DOCK1: variants seen among roughly 807,000 people sequenced by gnomAD.
DOCK1 encodes the protein dedicator of cytokinesis protein 1.
DOCK1 carries 138 observed loss-of-function variants against 262.7 expected under a neutral mutation model. The observed-to-expected ratio is 0.53, with a 90% CI of 0.46 to 0.61. DOCK1 has a LOEUF of 0.61. Among genes scored for constraint, DOCK1 ranks in the 20% least tolerant of loss-of-function variants. The pLI, the probability that DOCK1 is intolerant of heterozygous loss-of-function variation, is 0.00. For synonymous variants in DOCK1, 866 were observed against 867.4 expected (o/e 1.00, Z 0.03); for missense variants, 1,908 against 2,370.7 (o/e 0.80, Z 4.05).
chr10:127,416,207 G>A (rs1403721743), intron 44 of DOCK1, among the ~76,000 whole-genome samples: 2 of 152,206 alleles, frequency 1.3e-5, no homozygotes, highest in African/African-American at 4.8e-5. Flanking sequence ...CCCCTCCTGG[G>A]GTCACTTTCT....
chr10:127,338,960 C>T (rs1198439881), intron 29 of DOCK1, 46 bp from the exon 30 acceptor site: 1 of 1,495,524 alleles, frequency 6.7e-7, no homozygotes. Flanking sequence ...TACCGAAGTG[C>T]CAGAGCGTAA....
At chr10:127,020,238 A>G (rs1591686804) in intron 13 of DOCK1, among the ~76,000 whole-genome samples, 1 of 152,200 alleles carries the variant, frequency 6.6e-6, no homozygotes, top group East Asian at 1.9e-4. Context: ...TATACTTATT[A>G]TTTGTATTTG....
At chr10:127,022,433 G>A (rs1192655943) in intron 13 of DOCK1, among the ~76,000 whole-genome samples, 1 of 152,128 alleles carries the variant, frequency 6.6e-6, no homozygotes, top group East Asian at 1.9e-4. Context: ...GCACCCATTA[G>A]CTCGCTTTTG....
At chr10:127,340,621 T>A (rs539540022) in intron 30 of DOCK1, among the ~76,000 whole-genome samples, 1 of 152,322 alleles carries the variant, frequency 6.6e-6, no homozygotes, top group African/African-American at 2.4e-5. Flanking sequence ...CTAGGCCAAA[T>A]GATATGACAT....
chr10:126,968,156 C>G (rs2037818647), intron 1 of DOCK1, among the ~76,000 whole-genome samples: 1 of 152,164 alleles, frequency 6.6e-6, no homozygotes, highest in African/African-American at 2.4e-5. Flanking sequence ...ATCACCCTCG[C>G]AGTGCCCCTG....
intron 1 of DOCK1, among the ~76,000 whole-genome samples, chr10:126,918,384 A>G (rs2032764140): frequency 6.6e-6 from 1 of 152,250 alleles, no homozygotes; most frequent in African/African-American, 2.4e-5. Flanking sequence ...GCCTGTGCCC[A>G]GCTGGTGTGC....
intron 29 of DOCK1, among the ~76,000 whole-genome samples, chr10:127,266,789 G>A (rs956177667): frequency 6.6e-6 from 1 of 152,152 alleles, no homozygotes; most frequent in African/African-American, 2.4e-5. Flanking sequence ...TTTTACTACA[G>A]CTCATGCACT....
At chr10:127,050,476 G>T (rs1591812955) in intron 21 of DOCK1, among the ~76,000 whole-genome samples, 1 of 152,002 alleles carries the variant, frequency 6.6e-6, no homozygotes, top group East Asian at 1.9e-4. Context: ...ACTTGGGGAG[G>T]CTGAGGTGGG....
intron 2 of DOCK1, among the ~76,000 whole-genome samples, chr10:126,975,197 A>G (rs1466607740): frequency 6.6e-6 from 1 of 151,970 alleles, no homozygotes; most frequent in Non-Finnish European, 1.5e-5. Flanking sequence ...CCATGGCTCT[A>G]ACTGCATCGT....
chr10:127,214,419 T>C (rs1387821289), intron 27 of DOCK1, among the ~76,000 whole-genome samples: 1 of 152,244 alleles, frequency 6.6e-6, no homozygotes, highest in Non-Finnish European at 1.5e-5. Flanking sequence ...TTGCCGTTTA[T>C]AGAAGCAGAG....
intron 10 of DOCK1, among the ~76,000 whole-genome samples, chr10:127,003,160 G>A (rs1288349645): frequency 6.6e-6 from 1 of 151,896 alleles, no homozygotes; most frequent in Non-Finnish European, 1.5e-5. Context: ...GTGAAACTGC[G>A]TGAACCTGTG....
At chr10:127,329,642 T>G (rs1028351613) in intron 29 of DOCK1, among the ~76,000 whole-genome samples, 9 of 152,210 alleles carry the variant, frequency 5.9e-5, no homozygotes, top group Non-Finnish European at 7.4e-5. Context: ...CCCCCAGCAG[T>G]AGAGACTTCT....
At chr10:127,110,517 T>C (rs931861035) in intron 25 of DOCK1, among the ~76,000 whole-genome samples, 163 bp downstream of exon 25, 3 of 152,174 alleles carry the variant, frequency 2.0e-5, no homozygotes, top group African/African-American at 7.2e-5. Context: ...AGAAGGGTAA[T>C]TGACATGTAA....
chr10:127,030,969 G>A (rs2043198562), intron 16 of DOCK1, among the ~76,000 whole-genome samples: 1 of 152,214 alleles, frequency 6.6e-6, no homozygotes, highest in Non-Finnish European at 1.5e-5. Flanking sequence ...GGTCACTTTG[G>A]AGGAGGTGAC....
chr10:127,000,361 C>T, intron 10 of DOCK1, 54 bp downstream of exon 10: 2 of 1,590,314 alleles, frequency 1.3e-6, no homozygotes, highest in Non-Finnish European at 1.7e-6. Context: ...CAGTCACTTT[C>T]AAAAGAATCA....
Position 127,437,679 on chromosome 10 carries a change from A to C in DOCK1, c.5061-1348A>C, listed in dbSNP as rs1042337703. Among the ~76,000 whole-genome samples, 3 of 152,042 alleles carry C rather than the reference A, an allele frequency of 2.0e-5. No individual in the cohort carries two copies. Among genetic ancestry groups the C allele is most frequent in the African/African-American group, 7.2e-5 (3 of 41,410 alleles). ...CGTTTTATCGAGACTGGATCTTGCC[A>C]TGTTGGCCAGGCTGGTCTCGAACTC... On this transcript the variant is annotated intron_variant, in intron 48 of 51. Transcript: ENST00000623213. The surrounding 1 kb of genome is among the most constrained non-coding windows in gnomAD (Gnocchi z 4.4).
intron 27 of DOCK1, among the ~76,000 whole-genome samples, chr10:127,133,029 G>A (rs2050419351): frequency 6.6e-6 from 1 of 152,172 alleles, no homozygotes; most frequent in Non-Finnish European, 1.5e-5. Context: ...ACAAGTGATG[G>A]AAGTTATTTT....
At chr10:127,168,487 G>A (rs2054278587) in intron 27 of DOCK1, among the ~76,000 whole-genome samples, 1 of 152,222 alleles carries the variant, frequency 6.6e-6, no homozygotes, top group African/African-American at 2.4e-5. Flanking sequence ...GCCAGAGCCA[G>A]GGAACACGGC....
At chr10:127,376,495 G>C (rs2065498796) in intron 35 of DOCK1, among the ~76,000 whole-genome samples, 1 of 152,210 alleles carries the variant, frequency 6.6e-6, no homozygotes, top group Admixed American at 6.5e-5. Context: ...CCCCAGGTCA[G>C]TTGGTCTGAT....
Sources: gnomAD v4.1 joint callset for allele counts (sites outside exome capture counted in the v4.1 genomes callset) on GRCh38, gnomAD v4.1.1 for gene constraint, Gnocchi (gnomAD v3.1) non-coding constraint, MANE v1.5 for transcripts, NCBI Gene and HGNC (gene_info 2026-07-23, HGNC 2026-07-21) for gene names.